NRROS: variants seen among roughly 807,000 people sequenced by gnomAD.
NRROS encodes transforming growth factor beta activator LRRC33.
A neutral mutation model predicts 12.0 loss-of-function variants in NRROS; 6 were observed. The observed-to-expected ratio is 0.50, with a 90% CI of 0.27 to 0.98. The LOEUF is 0.98. Ranked by LOEUF, NRROS falls within the 50% of genes least tolerant of loss-of-function variation. NRROS has a pLI of 0.11. For missense variants in NRROS, 857 were observed against 888.2 expected, an observed-to-expected ratio of 0.96 and a Z score of 0.45; for synonymous variants, 462 against 410.2, an observed-to-expected ratio of 1.13 and a Z score of -1.53.
In NRROS at chr3:196,654,683, C is replaced by G; in HGVS notation, c.108+36C>G. 7.6e-7 allele frequency: 1 copy of G among 1,308,772 alleles called. No homozygotes were observed. Among genetic ancestry groups the G allele is most frequent in the African/African-American group, 1.4e-5 (1 of 69,052 alleles). The allele number at this position is 1,308,772 out of a possible 1,614,324, so 81.1% of individuals were successfully genotyped here. ...CTTGAACCCTGATCTGTCGGCTGCT[C>G]CTGTCCTGACAAGGCTTGGTCCATT... On this transcript the variant is annotated intron_variant, in intron 2 of 2. Coordinates refer to ENST00000328557, the MANE Select transcript of NRROS (RefSeq NM_198565.3). The surrounding 1 kb of genome is among the most constrained non-coding windows in gnomAD (Gnocchi z 4.4).
chr3:196,646,805 C>T (rs1476656064), intron 1 of NRROS, among the ~76,000 whole-genome samples: 2 of 152,322 alleles, frequency 1.3e-5, no homozygotes, highest in East Asian at 1.9e-4. Flanking sequence ...ACCAGAGAAC[C>T]GGAGAACCGG....
chr3:196,660,161 A>C lies in NRROS; in HGVS notation c.518A>C (p.Asp173Ala). 4 of 1,613,036 alleles carry C rather than the reference A, an allele frequency of 2.5e-6. No homozygotes were observed. Among genetic ancestry groups the C allele is most frequent in the Non-Finnish European group, 3.4e-6 (4 of 1,179,998 alleles). ...GCGGGGAACACCATCATGCGGCTGG[A>C]CGACTCCGTCTTCGAGGGCCTGGAG... ...SLAGNTIMRLDDSVFEGLERL... is the reference protein window; with the variant it reads ...SLAGNTIMRLADSVFEGLERL... Residue 173 changes from aspartate (D) to alanine (A), a missense_variant, in exon 3 of 3, where the codon GAC (aspartate) becomes GCC (alanine). By Grantham distance (126) the Asp-to-Ala change is moderately radical (BLOSUM62 -2). Transcript: ENST00000328557. The surrounding 1 kb of genome is among the most constrained non-coding windows in gnomAD (Gnocchi z 7.7).
intron 2 of NRROS, among the ~76,000 whole-genome samples, chr3:196,658,862 C>G (rs191348411): frequency 6.6e-6 from 1 of 152,030 alleles, no homozygotes; most frequent in Non-Finnish European, 1.5e-5. Context: ...CCCAGCTACT[C>G]GGGAGGCTGA....
chr3:196,656,375 T>A (rs1408102641), intron 2 of NRROS, among the ~76,000 whole-genome samples: 1 of 152,186 alleles, frequency 6.6e-6, no homozygotes, highest in East Asian at 1.9e-4. Flanking sequence ...ACATAGAGGT[T>A]ACAAGCTAGA....
chr3:196,651,682 G>T (rs1225329070), intron 1 of NRROS, among the ~76,000 whole-genome samples: 3 of 152,092 alleles, frequency 2.0e-5, no homozygotes, highest in Admixed American at 1.3e-4. Context: ...CAGGAGAATT[G>T]TTGAACCCGG....
chr3:196,650,075 C>T (rs1009373907), intron 1 of NRROS, among the ~76,000 whole-genome samples: 3 of 152,148 alleles, frequency 2.0e-5, no homozygotes, highest in African/African-American at 7.2e-5. Flanking sequence ...ATCCAGCGTG[C>T]ACCTGAATAG....
chr3:196,649,971 T>C (rs1737388229), intron 1 of NRROS, among the ~76,000 whole-genome samples: 1 of 151,934 alleles, frequency 6.6e-6, no homozygotes, highest in Admixed American at 6.6e-5. Context: ...GCTCACGTAG[T>C]AGCAGTCAGG....
intron 1 of NRROS, among the ~76,000 whole-genome samples, chr3:196,651,602 A>C (rs984740208): frequency 3.3e-5 from 5 of 152,266 alleles, no homozygotes; most frequent in African/African-American, 1.2e-4. Flanking sequence ...CCTCATCTCT[A>C]CTAAAAATAC....
intron 1 of NRROS, among the ~76,000 whole-genome samples, chr3:196,648,335 G>C (rs1240051237): frequency 1.3e-5 from 2 of 152,160 alleles, no homozygotes; most frequent in African/African-American, 4.8e-5. Flanking sequence ...CCTAACAATA[G>C]AGGCGATGTC....
At chr3:196,645,644 G>T (rs1737293885) in intron 1 of NRROS, among the ~76,000 whole-genome samples, 2 of 152,094 alleles carry the variant, frequency 1.3e-5, no homozygotes, top group South Asian at 2.1e-4. Flanking sequence ...TCGGCCTCTT[G>T]TCAGGAATCC....
chr3:196,659,296 CTTTTTTTTTTT>C (rs35305090), intron 2 of NRROS, among the ~76,000 whole-genome samples: 2 of 81,410 alleles, frequency 2.5e-5, no homozygotes, highest in East Asian at 4.6e-4. Context: ...CTCTCAAGTC[CTTTTTTTTTTT>C]TTTTTTTTTT....
In NRROS at chr3:196,645,872, G is replaced by A. The variant is rs559365095; in HGVS notation, c.-14+5997G>A. ...AGCTCCCAGGGGTGGGAGAAGGGAC[G>A]AAAGCTCCTTCTCCTTCACTGTATT... On this transcript the variant is annotated intron_variant, in intron 1 of 2. Transcript: ENST00000328557. 5.5e-3 allele frequency among the ~76,000 whole-genome samples: 843 copies of A among 152,258 alleles called. 13 individuals are homozygous for A. The highest frequency in any genetic ancestry group is 0.019 in the African/African-American group (789 of 41,542).
intron 2 of NRROS, among the ~76,000 whole-genome samples, chr3:196,657,503 C>T (rs931747000): frequency 6.6e-6 from 1 of 152,108 alleles, no homozygotes; most frequent in African/African-American, 2.4e-5. Context: ...AGGTGGATCA[C>T]CCGAGGTCAG....
chr3:196,642,377 T>C (rs568998087), intron 1 of NRROS, among the ~76,000 whole-genome samples: 1 of 152,112 alleles, frequency 6.6e-6, no homozygotes, highest in African/African-American at 2.4e-5. Context: ...GATGCTCAAA[T>C]GGCATTGCCA....
chr3:196,660,690 G>C lies in NRROS; in HGVS notation c.1047G>C (p.Arg349Ser). 2.5e-6 allele frequency: 4 copies of C among 1,614,170 alleles called. No individual in the cohort carries two copies. The highest frequency in any genetic ancestry group is 3.4e-6 in the Non-Finnish European group (4 of 1,180,038). The stretch of plus-strand genomic sequence containing the variant: ...AGTACCTGCCAGACGGCTTCCTGAG[G>C]AAAATGCCTTCCCTCTCCCACCTGA... The part of the protein sequence containing the change: ...QFQYLPDGFL[R>S]KMPSLSHLNL... The change falls in exon 3 of 3, where the codon AGG becomes AGC. Residue 349 changes from arginine (R) to serine (S), a missense_variant. By Grantham distance (110) the Arg-to-Ser change is moderately radical (BLOSUM62 -1). Transcript: ENST00000328557. The surrounding 1 kb of genome is among the most constrained non-coding windows in gnomAD (Gnocchi z 7.7).
At chr3:196,649,966 C>T (rs906346877) in intron 1 of NRROS, among the ~76,000 whole-genome samples, 1 of 152,034 alleles carries the variant, frequency 6.6e-6, no homozygotes, top group Non-Finnish European at 1.5e-5. Flanking sequence ...CAGCTGCTCA[C>T]GTAGTAGCAG....
intron 1 of NRROS, among the ~76,000 whole-genome samples, chr3:196,644,151 C>T (rs965161351): frequency 1.3e-5 from 2 of 152,184 alleles, no homozygotes; most frequent in African/African-American, 2.4e-5. Flanking sequence ...TTCTTCTAGG[C>T]TCTCTGGCTA....
intron 1 of NRROS, among the ~76,000 whole-genome samples, chr3:196,647,071 C>A (rs997977287): frequency 6.6e-6 from 1 of 152,098 alleles, no homozygotes; most frequent in Non-Finnish European, 1.5e-5. Flanking sequence ...GTAGTTTTAC[C>A]ATAACTTATT....
At chr3:196,650,077 C>T (rs1351165491) in intron 1 of NRROS, among the ~76,000 whole-genome samples, 1 of 152,136 alleles carries the variant, frequency 6.6e-6, no homozygotes, top group Non-Finnish European at 1.5e-5. Context: ...CCAGCGTGCA[C>T]CTGAATAGTA....
Sources: allele counts gnomAD v4.1 joint callset (sites outside exome capture counted in the v4.1 genomes callset), GRCh38; gene constraint gnomAD v4.1.1; non-coding constraint Gnocchi (gnomAD v3.1); transcripts MANE v1.5; gene names NCBI Gene and HGNC (gene_info 2026-07-23, HGNC 2026-07-21).